Variants in MYOZ2 observed in about 807,000 individuals in gnomAD.
MYOZ2 encodes myozenin 2.
In MYOZ2, 19 loss-of-function variants were observed where a neutral mutation model predicts 25.4. The ratio of observed to expected loss-of-function variants is 0.75; its 90% CI spans 0.52 to 1.10. The LOEUF is 1.10. Among genes scored for constraint, MYOZ2 ranks in the 50% least tolerant of loss-of-function variants. The pLI, the probability that MYOZ2 is intolerant of heterozygous loss-of-function variation, is 0.00. For synonymous variants in MYOZ2, 92 were observed against 106.9 expected (o/e 0.86, Z 0.86); for missense variants, 270 against 317.9 (o/e 0.85, Z 1.15).
chr4:119,169,766 C>A (rs190895171), intron 5 of MYOZ2, among the ~76,000 whole-genome samples: 1 of 152,212 alleles, frequency 6.6e-6, no homozygotes, highest in East Asian at 1.9e-4. Context: ...AGCTGGAAGC[C>A]CTAAAGGGCT....
At chr4:119,175,318 GT>G (rs1475891251) in intron 5 of MYOZ2, among the ~76,000 whole-genome samples, 2 of 152,220 alleles carry the variant, frequency 1.3e-5, no homozygotes, top group Non-Finnish European at 2.9e-5. Flanking sequence ...GCAGAGGGAT[GT>G]GTCTTCTTTG....
chr4:119,139,217 CATT>C (rs1288465480), intron 2 of MYOZ2, among the ~76,000 whole-genome samples: 3 of 152,270 alleles, frequency 2.0e-5, no homozygotes, highest in Non-Finnish European at 4.4e-5. Context: ...TTACCTTCCT[CATT>C]ATATCATAGT....
intron 5 of MYOZ2, among the ~76,000 whole-genome samples, chr4:119,184,187 C>A (rs1742249451): frequency 1.3e-5 from 2 of 152,156 alleles, no homozygotes; most frequent in Admixed American, 1.3e-4. Flanking sequence ...GTTATATAAT[C>A]TCCTGCTTAC....
chr4:119,187,482 A>T lies in MYOZ2; in HGVS notation c.*1282A>T, dbSNP rs1362079714. ...AAAAAATCTGTGTTTGTAGTGTGGA[A>T]GTTGGTGACTGTTTTAATCATCATC... On this transcript the variant is annotated 3_prime_UTR_variant, in exon 6 of 6. Coordinates refer to ENST00000307128, the MANE Select transcript of MYOZ2 (RefSeq NM_016599.5). 6 of 152,118 alleles carry T rather than the reference A, an allele frequency of 3.9e-5. No homozygotes were observed. Among genetic ancestry groups the T allele is most frequent in the African/African-American group, 1.4e-4 (6 of 41,434 alleles). The allele number at this position is 152,118 out of a possible 1,614,324, so 9.4% of individuals were successfully genotyped here.
At chr4:119,161,247 A>C (rs1741702712) in intron 4 of MYOZ2, among the ~76,000 whole-genome samples, 1 of 152,186 alleles carries the variant, frequency 6.6e-6, no homozygotes, top group Non-Finnish European at 1.5e-5. Flanking sequence ...ATATAGAGTA[A>C]GAAAATGGGG....
intron 3 of MYOZ2, among the ~76,000 whole-genome samples, chr4:119,152,240 A>G (rs28685288): frequency 2.0e-5 from 3 of 151,950 alleles, no homozygotes; most frequent in African/African-American, 4.8e-5. Flanking sequence ...CATGTACCCT[A>G]TAAGTATGCC....
intron 5 of MYOZ2, among the ~76,000 whole-genome samples, chr4:119,177,404 C>T (rs566226629): frequency 3.3e-5 from 5 of 152,286 alleles, no homozygotes; most frequent in Admixed American, 2.0e-4. Context: ...GACAATCCAA[C>T]AACATTCTCT....
intron 5 of MYOZ2, 96 bp from the exon 6 acceptor site, chr4:119,185,870 A>C: frequency 1.1e-6 from 1 of 950,712 alleles, no homozygotes. Flanking sequence ...AATTAAATAC[A>C]CCCATAAAAT....
intron 5 of MYOZ2, among the ~76,000 whole-genome samples, chr4:119,182,816 T>C (rs1742211285): frequency 6.6e-6 from 1 of 152,110 alleles, no homozygotes; most frequent in South Asian, 2.1e-4. Context: ...AGCCTGAGGG[T>C]TGGGGACCCT....
intron 2 of MYOZ2, among the ~76,000 whole-genome samples, chr4:119,142,979 A>G (rs889987781): frequency 6.6e-6 from 1 of 152,182 alleles, no homozygotes; most frequent in African/African-American, 2.4e-5. Flanking sequence ...TCATGGTTCC[A>G]GAGGCCAGGG....
At chr4:119,158,603 C>G (rs1283162259) in intron 4 of MYOZ2, among the ~76,000 whole-genome samples, 2 of 152,202 alleles carry the variant, frequency 1.3e-5, no homozygotes, top group South Asian at 4.1e-4. Flanking sequence ...TGCAAAAATT[C>G]AAACCTAAAG....
chr4:119,152,505 G>T (rs1356704024), intron 3 of MYOZ2, among the ~76,000 whole-genome samples: 1 of 152,000 alleles, frequency 6.6e-6, no homozygotes, highest in Admixed American at 6.6e-5. Context: ...CTACAATTCT[G>T]AAGAAAGGTA....
chr4:119,150,839 G>C, intron 2 of MYOZ2, 33 bp from the exon 3 acceptor site: 1 of 1,599,966 alleles, frequency 6.3e-7, no homozygotes, highest in Non-Finnish European at 8.6e-7. Context: ...TGCTTACCTT[G>C]GGATTTTTAC....
chr4:119,153,139 C>T (rs563271129), intron 3 of MYOZ2, among the ~76,000 whole-genome samples: 1 of 151,642 alleles, frequency 6.6e-6, no homozygotes, highest in East Asian at 1.9e-4. Context: ...CTCTCAGGTG[C>T]CTTCTGTCTT....
chr4:119,164,459 G>C, intron 5 of MYOZ2, 65 bp downstream of exon 5: 1 of 1,538,076 alleles, frequency 6.5e-7, no homozygotes, highest in Non-Finnish European at 9.0e-7. Context: ...TCATGGTACA[G>C]ATAACTGAAT....
chr4:119,154,792 C>T (rs927081341), intron 3 of MYOZ2, among the ~76,000 whole-genome samples: 1 of 150,612 alleles, frequency 6.6e-6, no homozygotes, highest in Non-Finnish European at 1.5e-5. Context: ...AGATACTAAC[C>T]TAGTCAATTA....
intron 5 of MYOZ2, among the ~76,000 whole-genome samples, chr4:119,185,118 TC>T (rs1275195093): frequency 7.0e-6 from 1 of 142,166 alleles, no homozygotes; most frequent in African/African-American, 2.6e-5. Flanking sequence ...TCCCCTCCCC[TC>T]CCCTTCCCTT....
intron 3 of MYOZ2, among the ~76,000 whole-genome samples, chr4:119,155,979 A>G (rs1376780449): frequency 1.3e-5 from 2 of 152,178 alleles, no homozygotes; most frequent in African/African-American, 4.8e-5. Flanking sequence ...TGCTTGTGCT[A>G]TATAAGACAC....
chr4:119,178,462 A>C (rs62326341), intron 5 of MYOZ2, among the ~76,000 whole-genome samples: 1 of 152,138 alleles, frequency 6.6e-6, no homozygotes, highest in South Asian at 2.1e-4. Flanking sequence ...CTAGCTCCAA[A>C]TGGGCTCCTT....
Sources: gnomAD v4.1 joint callset for allele counts (sites outside exome capture counted in the v4.1 genomes callset) on GRCh38, gnomAD v4.1.1 for gene constraint, MANE v1.5 for transcripts, NCBI Gene and HGNC (gene_info 2026-07-23, HGNC 2026-07-21) for gene names.